Variants in CTBP2 observed in about 807,000 individuals in gnomAD.
CTBP2 encodes C-terminal-binding protein 2.
Under a neutral mutation model 80.3 loss-of-function variants are expected in CTBP2, and 30 were observed. The observed-to-expected ratio is 0.37, with a 90% CI of 0.28 to 0.51. The LOEUF is 0.51. Ranked by LOEUF, CTBP2 falls within the 20% of genes least tolerant of loss-of-function variation. The probability of loss-of-function intolerance (pLI) is 0.93; values close to 1 mark genes in which losing one functional copy is unlikely to be tolerated. For synonymous variants in CTBP2, 594 were observed against 587.4 expected, an observed-to-expected ratio of 1.01 and a Z score of -0.16; for missense variants, 1,212 against 1,375.3, an observed-to-expected ratio of 0.88 and a Z score of 1.88.
Position 124,986,387 on chromosome 10 carries a change from TTTG to T in CTBP2, c.*3128_*3130del, listed in dbSNP as rs1952044721. The T allele has an allele frequency of 6.6e-6, 1 of 152,472 alleles. No homozygotes were observed. Among genetic ancestry groups the T allele is most frequent in the Non-Finnish European group, 1.5e-5 (1 of 68,018 alleles). 9.4% of individuals were successfully genotyped at this position (152,472 alleles called of 1,614,324 possible). On this transcript the variant is annotated 3_prime_UTR_variant, in exon 9 of 9. Coordinates refer to ENST00000309035, the MANE Select transcript of CTBP2 (RefSeq NM_022802.3). ...CTTAAAGTATTTGCTTGCTTCTTGT[TTTG>T]TTTAGTTGATAATGAAATGTGTACA...
intron 1 of CTBP2, among the ~76,000 whole-genome samples, chr10:125,010,549 CTCTT>C (rs1205198923): frequency 1.3e-5 from 2 of 152,220 alleles, no homozygotes; most frequent in African/African-American, 2.4e-5. Context: ...ACCCTTATCT[CTCTT>C]TCTGCATTCA....
At chr10:125,083,952 G>T (rs1449405625) in intron 2 of CTBP2, among the ~76,000 whole-genome samples, 1 of 152,090 alleles carries the variant, frequency 6.6e-6, no homozygotes, top group Non-Finnish European at 1.5e-5. Flanking sequence ...GCTGATTTTT[G>T]TATTCTTTAG....
chr10:125,062,152 C>T (rs924536841), intron 2 of CTBP2, among the ~76,000 whole-genome samples: 5 of 152,154 alleles, frequency 3.3e-5, no homozygotes, highest in Admixed American at 1.3e-4. Flanking sequence ...GGACTCAAAA[C>T]GGTGCCTACA....
chr10:125,143,356 T>C (rs544198103), intron 1 of CTBP2, among the ~76,000 whole-genome samples: 51 of 152,198 alleles, frequency 3.4e-4, no homozygotes, highest in African/African-American at 1.2e-3. Flanking sequence ...GGGAGTGCTG[T>C]AATCCCACCT....
In CTBP2 at chr10:125,148,284, C is replaced by A. The variant is rs536494087; in HGVS notation, c.-206+12035G>T. ...AAGTGCGCTGCCGGGGCCCCTAGAG[C>A]AAAACTTTGGATCTGAGCCAGGACC... is the stretch of plus-strand genomic sequence containing the variant. On this transcript the variant is annotated intron_variant, in intron 1 of 10. Transcript: ENST00000337195. Among the ~76,000 whole-genome samples the A allele has an allele frequency of 5.3e-5, 8 of 152,196 alleles. No individual in the cohort carries two copies. The East Asian group carries it at 1.5e-3, about 29-fold the overall frequency.
chr10:125,033,153 G>A (rs183589153), intron 3 of CTBP2, among the ~76,000 whole-genome samples: 2 of 152,320 alleles, frequency 1.3e-5, no homozygotes, highest in East Asian at 1.9e-4. Context: ...ACCGGAACAC[G>A]GAAAACAAAA....
At chr10:125,145,202 A>C (rs1591070002) in intron 1 of CTBP2, among the ~76,000 whole-genome samples, 1 of 152,220 alleles carries the variant, frequency 6.6e-6, no homozygotes, top group African/African-American at 2.4e-5. Flanking sequence ...TTTTGAAGAA[A>C]GCCAGTCTGT....
intron 3 of CTBP2, among the ~76,000 whole-genome samples, chr10:125,035,348 A>T (rs1958743415): frequency 6.6e-6 from 1 of 152,168 alleles, no homozygotes; most frequent in South Asian, 2.1e-4. Flanking sequence ...ATTTAAGAGG[A>T]GGTCCCTTTT....
chr10:125,008,810 A>C (rs1016185480), intron 1 of CTBP2, among the ~76,000 whole-genome samples: 3 of 152,268 alleles, frequency 2.0e-5, no homozygotes, highest in African/African-American at 7.2e-5. Context: ...TAATAAGGAA[A>C]TCAATGTACG....
At chr10:125,097,511 C>T (rs530113816) in intron 2 of CTBP2, among the ~76,000 whole-genome samples, 3 of 152,252 alleles carry the variant, frequency 2.0e-5, no homozygotes, top group Non-Finnish European at 4.4e-5. Context: ...CCCAAGGAAG[C>T]CAGCGCAACC....
chr10:125,103,891 C>T (rs1041342604), intron 2 of CTBP2, among the ~76,000 whole-genome samples: 1 of 152,180 alleles, frequency 6.6e-6, no homozygotes, highest in African/African-American at 2.4e-5. Context: ...GCTGAAGAGC[C>T]TCTCCCCCTA....
At chr10:125,041,674 G>T (rs1483255585) in intron 2 of CTBP2, among the ~76,000 whole-genome samples, 3 of 152,092 alleles carry the variant, frequency 2.0e-5, no homozygotes, top group Non-Finnish European at 2.9e-5. Context: ...ATCCAAGGGG[G>T]GAAGAGAATT....
chr10:124,989,481 C>T lies in CTBP2; in HGVS notation c.*37G>A, dbSNP rs375344803. ...TCTATTTTTCACTGTCTCTTGGTCC[C>T]AAGTGTATCTGAGTGATTACCTTCT... On this transcript the variant is annotated 3_prime_UTR_variant, in exon 9 of 9. Coordinates refer to ENST00000309035, the MANE Select transcript of CTBP2 (RefSeq NM_022802.3). The T allele has an allele frequency of 9.5e-6, 15 of 1,582,446 alleles. No homozygotes were observed. The highest frequency in any genetic ancestry group is 5.0e-5 in the Admixed American group (3 of 59,956).
At chr10:125,101,054 A>G (rs1308078774) in intron 2 of CTBP2, among the ~76,000 whole-genome samples, 2 of 152,264 alleles carry the variant, frequency 1.3e-5, no homozygotes, top group African/African-American at 2.4e-5. Context: ...AGATTACACG[A>G]TCCAGGGATC....
chr10:125,056,262 G>A (rs917628708), intron 2 of CTBP2, among the ~76,000 whole-genome samples: 1 of 152,180 alleles, frequency 6.6e-6, no homozygotes, highest in Admixed American at 6.5e-5. Context: ...CATGTGCGAT[G>A]AGAACTATTC....
In CTBP2 at chr10:125,003,095, C is replaced by T. The variant is rs1589992822; in HGVS notation, c.1843G>A (p.Glu615Lys). The T allele has an allele frequency of 6.2e-7, 1 of 1,613,980 alleles. No homozygotes were observed. Among genetic ancestry groups the T allele is most frequent in the Non-Finnish European group, 8.5e-7 (1 of 1,180,030 alleles). Residue 615 changes from glutamate to lysine, a missense_variant, in exon 3 of 9, where the codon GAA becomes AAA. By Grantham distance (56) the Glu-to-Lys change is moderately conservative (BLOSUM62 1). Coordinates refer to ENST00000309035, the MANE Select transcript of CTBP2 (RefSeq NM_022802.3). Reference sequence around the variant, plus strand: ...TGGTACATCATGGCGCCCACGGCTTCGTTTAGAACCTGCGTGGGAACAGAG... The same window carrying T: ...TGGTACATCATGGCGCCCACGGCTTTGTTTAGAACCTGCGTGGGAACAGAG...
chr10:125,044,744 C>A (rs966665934), intron 2 of CTBP2, among the ~76,000 whole-genome samples: 1 of 152,112 alleles, frequency 6.6e-6, no homozygotes, highest in African/African-American at 2.4e-5. Flanking sequence ...CCAGCCTGGG[C>A]CACCCAGTGA....
intron 2 of CTBP2, among the ~76,000 whole-genome samples, chr10:125,053,839 C>T (rs1963323454): frequency 6.6e-6 from 1 of 152,206 alleles, no homozygotes; most frequent in Non-Finnish European, 1.5e-5. Flanking sequence ...GCACTGGCCA[C>T]AGACTGCCCT....
At position 125,090,520 on chromosome 10, in the gene CTBP2, T is replaced by C. The variant is rs1024122244; in HGVS notation, c.-102+20470A>G. On this transcript the variant is annotated intron_variant, in intron 2 of 10. Transcript: ENST00000337195. Reference sequence around the variant, plus strand: ...GCTCACACCTGTAATCCCAGCACTTTGGGAGGCCAAGGTGGAAGGATCACT... The same window carrying C: ...GCTCACACCTGTAATCCCAGCACTTCGGGAGGCCAAGGTGGAAGGATCACT... 5.3e-5 allele frequency among the ~76,000 whole-genome samples: 8 copies of C among 150,502 alleles called. 1 individual carries two copies. Among genetic ancestry groups the C allele is most frequent in the South Asian group, 2.1e-4 (1 of 4,764 alleles).
Sources: allele counts gnomAD v4.1 joint callset (sites outside exome capture counted in the v4.1 genomes callset), GRCh38; gene constraint gnomAD v4.1.1; transcripts MANE v1.5; gene names NCBI Gene and HGNC (gene_info 2026-07-23, HGNC 2026-07-21).